EEIG1: variants seen among roughly 807,000 people sequenced by gnomAD.
EEIG1 encodes the protein estrogen-induced osteoclastogenesis regulator 1, also known as early estrogen-induced gene 1 protein.
chr9:127,979,959 C>T, the EEIG1 span: 1 of 1,596,610 alleles, frequency 6.3e-7, no homozygotes, highest in South Asian at 1.1e-5. Flanking sequence ...TCATCACCCC[C>T]GCTGCTGCAG....
the EEIG1 span, among the ~76,000 whole-genome samples, chr9:127,971,092 T>C: frequency 6.6e-6 from 1 of 152,074 alleles, no homozygotes; most frequent in East Asian, 1.9e-4. Context: ...AGAGAGGAAG[T>C]GGTGAGAGGT....
At chr9:127,977,492 A>G in the EEIG1 span, among the ~76,000 whole-genome samples, 1 of 152,102 alleles carries the variant, frequency 6.6e-6, no homozygotes, top group Non-Finnish European at 1.5e-5. Context: ...AATGGGATCC[A>G]AGACCCTGTC....
chr9:127,968,530 C>T, the EEIG1 span, among the ~76,000 whole-genome samples: 3 of 152,138 alleles, frequency 2.0e-5, no homozygotes. Context: ...ACTAAATGAG[C>T]GCCCTTCATA....
the EEIG1 span, chr9:127,941,937 G>A: frequency 0.03 from 4,559 of 152,524 alleles, 102 homozygotes; most frequent in South Asian, 0.07. Flanking sequence ...TTTAAAAGGG[G>A]CAGGAGAGTT....
the EEIG1 span, among the ~76,000 whole-genome samples, chr9:127,956,571 C>T: frequency 6.6e-6 from 1 of 151,864 alleles, no homozygotes; most frequent in Non-Finnish European, 1.5e-5. Flanking sequence ...CCACCAAGCT[C>T]GACTAATTTT....
chr9:127,944,540 G>T, the EEIG1 span: 2 of 1,085,398 alleles, frequency 1.8e-6, no homozygotes, highest in East Asian at 2.5e-5. Flanking sequence ...AAGGCCAGGT[G>T]AGTGGACTGT....
At chr9:127,979,946 C>T in the EEIG1 span, 10 of 1,584,244 alleles carry the variant, frequency 6.3e-6, no homozygotes, top group Admixed American at 1.6e-4. Flanking sequence ...GTCTAGGTCT[C>T]GCTCATCACC....
the EEIG1 span, chr9:127,947,945 G>T: frequency 9.2e-7 from 1 of 1,090,404 alleles, no homozygotes; most frequent in Non-Finnish European, 1.3e-6. Flanking sequence ...CCCAGCAGGA[G>T]CATGCAAACA....
the EEIG1 span, chr9:127,944,538 G>A: frequency 1.9e-6 from 2 of 1,069,896 alleles, no homozygotes; most frequent in Admixed American, 1.9e-5. Context: ...TCAAGGCCAG[G>A]TGAGTGGACT....
the EEIG1 span, among the ~76,000 whole-genome samples, chr9:127,960,987 AAAC>A: frequency 8.5e-3 from 506 of 59,360 alleles, 1 homozygote; most frequent in Non-Finnish European, 0.02. Context: ...GGTAAAAAAA[AAAC>A]CACAGCAGCA....
At chr9:127,942,909 G>C in the EEIG1 span, 1 of 491,946 alleles carries the variant, frequency 2.0e-6, no homozygotes, top group Non-Finnish European at 3.7e-6. Flanking sequence ...GCTCCTTCTT[G>C]CCCACAAGCT....
the EEIG1 span, chr9:127,941,247 G>A: frequency 3.0e-4 from 45 of 152,386 alleles, no homozygotes; most frequent in African/African-American, 1.1e-3. Context: ...TCCTGGTCTG[G>A]AGGAGTCTCC....
At chr9:127,954,734 C>T in the EEIG1 span, among the ~76,000 whole-genome samples, 1 of 152,160 alleles carries the variant, frequency 6.6e-6, no homozygotes, top group Non-Finnish European at 1.5e-5. Context: ...GGGGATTAAC[C>T]CAAGCAGTTG....
chr9:127,943,256 T>G, the EEIG1 span: 4 of 1,613,720 alleles, frequency 2.5e-6, no homozygotes, highest in Non-Finnish European at 3.4e-6. Context: ...GAGAGACAGG[T>G]CAGCATGTCC....
chr9:127,956,784 G>T, the EEIG1 span, among the ~76,000 whole-genome samples: 1 of 151,548 alleles, frequency 6.6e-6, no homozygotes, highest in Non-Finnish European at 1.5e-5. Flanking sequence ...GCACGATCTC[G>T]GCTCACTGCA....
At chr9:127,979,819 G>C in the EEIG1 span, among the ~76,000 whole-genome samples, 1 of 152,202 alleles carries the variant, frequency 6.6e-6, no homozygotes, top group Non-Finnish European at 1.5e-5. Context: ...GCGGCTGCCT[G>C]GCACCCTGCC....
At chr9:127,953,757 G>A in the EEIG1 span, 2 of 1,613,654 alleles carry the variant, frequency 1.2e-6, no homozygotes, top group Non-Finnish European at 1.7e-6. Flanking sequence ...CATGAGGGGA[G>A]GGGCCTATAG....
At chr9:127,966,279 G>A in the EEIG1 span, among the ~76,000 whole-genome samples, 304 of 152,210 alleles carry the variant, frequency 2.0e-3, 5 homozygotes, top group South Asian at 0.029. Flanking sequence ...GCTGCTCACC[G>A]GTCAAGCAGC....
chr9:127,959,711 G>A, the EEIG1 span, among the ~76,000 whole-genome samples: 1 of 152,186 alleles, frequency 6.6e-6, no homozygotes, highest in Non-Finnish European at 1.5e-5. Flanking sequence ...GAAGGTCCTC[G>A]CTTCCCCTTC....
Sources: allele counts gnomAD v4.1 joint callset (sites outside exome capture counted in the v4.1 genomes callset), GRCh38; gene constraint gnomAD v4.1.1; transcripts MANE v1.5; gene names NCBI Gene and HGNC (gene_info 2026-07-23, HGNC 2026-07-21).